The following MYO1B variants were observed in gnomAD, a reference collection of about 807,000 sequenced individuals.
MYO1B encodes the protein unconventional myosin-Ib.
In MYO1B, 72 loss-of-function variants were observed where a neutral mutation model predicts 159.7. The ratio of observed to expected loss-of-function variants is 0.45; its 90% CI spans 0.37 to 0.55. The LOEUF (loss-of-function observed/expected upper bound fraction) is 0.55. Among genes scored for constraint, MYO1B ranks in the 20% least tolerant of loss-of-function variants. MYO1B has a pLI of 0.00. For missense variants in MYO1B, 1,062 were observed against 1,364.8 expected (o/e 0.78, Z 3.50); for synonymous variants, 468 against 473.8 (o/e 0.99, Z 0.16).
At chr2:191,256,087 G>C (rs10931491) in intron 1 of MYO1B, among the ~76,000 whole-genome samples, 1 of 151,934 alleles carries the variant, frequency 6.6e-6, no homozygotes, top group Non-Finnish European at 1.5e-5. Flanking sequence ...TTACACACCT[G>C]CCTAGAATCT....
intron 3 of MYO1B, among the ~76,000 whole-genome samples, chr2:191,298,455 T>C (rs150091291): frequency 1.2e-4 from 19 of 152,314 alleles, no homozygotes; most frequent in African/African-American, 4.3e-4. Context: ...CTTGGACCAA[T>C]TGTATCAGAA....
intron 5 of MYO1B, among the ~76,000 whole-genome samples, chr2:191,341,883 A>G (rs1692247930): frequency 6.6e-6 from 1 of 152,058 alleles, no homozygotes; most frequent in South Asian, 2.1e-4. Flanking sequence ...GTGCTGTTTT[A>G]TTATTCAGGA....
chr2:191,318,723 G>A (rs1234745618), intron 3 of MYO1B, among the ~76,000 whole-genome samples: 2 of 152,186 alleles, frequency 1.3e-5, no homozygotes, highest in Non-Finnish European at 2.9e-5. Flanking sequence ...TCATTTTCTT[G>A]TAGCCACTTC....
intron 2 of MYO1B, among the ~76,000 whole-genome samples, chr2:191,294,865 A>AC (rs1222051078): frequency 6.6e-6 from 1 of 151,138 alleles, no homozygotes; most frequent in Admixed American, 6.6e-5. Context: ...TATCATTGTG[A>AC]CCCCTGTAAA....
At chr2:191,251,311 G>C (rs1201778701) in intron 1 of MYO1B, among the ~76,000 whole-genome samples, 2 of 152,256 alleles carry the variant, frequency 1.3e-5, no homozygotes, top group African/African-American at 4.8e-5. Context: ...TCAGATCTTT[G>C]ATGTGTGAGA....
chr2:191,388,234 G>C (rs537293910), intron 17 of MYO1B: 1 of 148,420 alleles, frequency 6.7e-6, no homozygotes, highest in Admixed American at 6.8e-5. Context: ...CCGAGGTCAC[G>C]CCACTGCACT....
intron 2 of MYO1B, 127 bp downstream of exon 2, chr2:191,277,157 C>A: frequency 8.5e-7 from 1 of 1,170,694 alleles, no homozygotes; most frequent in Non-Finnish European, 1.2e-6. Flanking sequence ...TTGCTTTATA[C>A]CCTCAGAAAG....
At chr2:191,293,539 A>G (rs796174075) in intron 2 of MYO1B, among the ~76,000 whole-genome samples, 2 of 152,184 alleles carry the variant, frequency 1.3e-5, no homozygotes, top group East Asian at 1.9e-4. Flanking sequence ...TATATGCTCA[A>G]TAAGGAGTGG....
intron 1 of MYO1B, among the ~76,000 whole-genome samples, chr2:191,264,468 T>C (rs1184150009): frequency 1.4e-5 from 2 of 145,530 alleles, no homozygotes; most frequent in African/African-American, 5.1e-5. Flanking sequence ...GATTACTTAA[T>C]TTGTAATCTT....
chr2:191,367,765 G>A (rs1045984929), intron 11 of MYO1B, among the ~76,000 whole-genome samples: 1 of 152,106 alleles, frequency 6.6e-6, no homozygotes, highest in African/African-American at 2.4e-5. Flanking sequence ...AGAAGAAAAA[G>A]GAAAGGATTT....
In MYO1B at chr2:191,416,131, G is replaced by T. The variant is rs148361556; in HGVS notation, c.3176G>T (p.Ser1059Ile). 10 of 1,614,030 alleles carry T rather than the reference G, an allele frequency of 6.2e-6. No homozygotes were observed. Among genetic ancestry groups the T allele is most frequent in the Non-Finnish European group, 7.6e-6 (9 of 1,180,030 alleles). Residue 1059 changes from serine (S) to isoleucine (I), a missense_variant, in exon 30 of 31, where the codon AGT (serine) becomes ATT (isoleucine). Physicochemically the swap from Ser to Ile is moderately radical, Grantham distance 142. Transcript: ENST00000392318. ...VHLKEGSEAA[S>I]KGDFLFSSDH... ...TCCTTGCAGGGCTCAGAAGCAGCTAGTAAAGGAGACTTTCTCTTCAGCAGT... is the reference window on the plus strand; with the variant it reads ...TCCTTGCAGGGCTCAGAAGCAGCTATTAAAGGAGACTTTCTCTTCAGCAGT...
chr2:191,331,337 C>T (rs1691461407), intron 4 of MYO1B, among the ~76,000 whole-genome samples: 1 of 151,904 alleles, frequency 6.6e-6, no homozygotes, highest in African/African-American at 2.4e-5. Context: ...ATGGGACAGC[C>T]AAACTCCTTT....
chr2:191,327,429 C>T lies in MYO1B; in HGVS notation c.252-2506C>T, dbSNP rs1257522054. Among the ~76,000 whole-genome samples, 4 of 152,280 alleles carry T rather than the reference C, an allele frequency of 2.6e-5. No homozygotes were observed. In the East Asian group the frequency reaches 7.7e-4, roughly 29 times the overall value. On this transcript the variant is annotated intron_variant, in intron 3 of 30. Coordinates refer to ENST00000392318, the MANE Select transcript of MYO1B (RefSeq NM_001130158.3). ...TCAGGGCTTTATAAATTTCAAAGTG[C>T]TTGTATGCACTTTTATTTGATCTTC...
intron 30 of MYO1B, among the ~76,000 whole-genome samples, chr2:191,421,223 C>T (rs1697917858): frequency 6.6e-6 from 1 of 151,886 alleles, no homozygotes; most frequent in African/African-American, 2.4e-5. Flanking sequence ...GCATGCACCA[C>T]CACGCCCTGC....
intron 1 of MYO1B, among the ~76,000 whole-genome samples, chr2:191,261,897 C>T (rs1221502729): frequency 6.6e-6 from 1 of 152,082 alleles, no homozygotes; most frequent in Non-Finnish European, 1.5e-5. Context: ...TGTAGAGCTT[C>T]ATTTAAAATG....
At chr2:191,339,441 ATGGAAAATGT>A (rs1387823384) in intron 4 of MYO1B, among the ~76,000 whole-genome samples, 1 of 152,230 alleles carries the variant, frequency 6.6e-6, no homozygotes, top group Admixed American at 6.5e-5. Context: ...CATGAGAATA[ATGGAAAATGT>A]AGTTGAGGAA....
intron 4 of MYO1B, among the ~76,000 whole-genome samples, chr2:191,336,454 G>A (rs1691849687): frequency 6.6e-6 from 1 of 152,116 alleles, no homozygotes; most frequent in African/African-American, 2.4e-5. Context: ...TTTTTCCCCT[G>A]TGTGAGAAAG....
At chr2:191,406,689 A>G (rs1032069040) in intron 24 of MYO1B, among the ~76,000 whole-genome samples, 4 of 152,190 alleles carry the variant, frequency 2.6e-5, no homozygotes, top group African/African-American at 9.7e-5. Flanking sequence ...AATAATGAAA[A>G]AGTTTGAAAT....
At chr2:191,248,845 C>A (rs993373508) in intron 1 of MYO1B, among the ~76,000 whole-genome samples, 2 of 152,066 alleles carry the variant, frequency 1.3e-5, no homozygotes, top group African/African-American at 4.8e-5. Context: ...AGTTGGTTAG[C>A]CCCTGGCAGA....
Sources: allele counts gnomAD v4.1 joint callset (sites outside exome capture counted in the v4.1 genomes callset), GRCh38; gene constraint gnomAD v4.1.1; transcripts MANE v1.5; gene names NCBI Gene and HGNC (gene_info 2026-07-23, HGNC 2026-07-21).